Variants in ADRA1B observed in about 807,000 individuals in gnomAD.
The protein encoded by ADRA1B is adrenoceptor alpha 1B, also known as alpha-1B adrenergic receptor.
A neutral mutation model predicts 17.9 loss-of-function variants in ADRA1B; 17 were observed. The ratio of observed to expected loss-of-function variants is 0.95; its 90% CI spans 0.65 to 1.42. The LOEUF (loss-of-function observed/expected upper bound fraction) is 1.42. Among genes scored for constraint, ADRA1B ranks in the 40% most tolerant of loss-of-function variants. The pLI is 0.00. For synonymous variants in ADRA1B, 366 were observed against 327.6 expected, an observed-to-expected ratio of 1.12 and a Z score of -1.27; for missense variants, 681 against 722.1, an observed-to-expected ratio of 0.94 and a Z score of 0.65.
intron 1 of ADRA1B, among the ~76,000 whole-genome samples, chr5:159,918,296 A>G (rs1754388346): frequency 6.6e-6 from 1 of 152,242 alleles, no homozygotes; most frequent in African/African-American, 2.4e-5. Context: ...CGTACACAGA[A>G]AGGCAGCATT....
the ADRA1B span, among the ~76,000 whole-genome samples, chr5:159,979,411 A>C: frequency 6.6e-6 from 1 of 152,360 alleles, no homozygotes. Context: ...GGGATGTAGC[A>C]TGTTTAGTAC....
chr5:159,898,352 G>A (rs181093531), intron 1 of ADRA1B, among the ~76,000 whole-genome samples: 20 of 152,290 alleles, frequency 1.3e-4, no homozygotes, highest in East Asian at 1.2e-3. Flanking sequence ...GAAAACTATC[G>A]CCCATAGATT....
At chr5:159,954,740 T>C (rs1051153996) in intron 1 of ADRA1B, among the ~76,000 whole-genome samples, 2 of 152,102 alleles carry the variant, frequency 1.3e-5, no homozygotes, top group African/African-American at 2.4e-5. Context: ...CACCTAACTT[T>C]CAAGGAGTAG....
chr5:159,941,743 T>G (rs1755132201), intron 1 of ADRA1B, among the ~76,000 whole-genome samples: 1 of 152,170 alleles, frequency 6.6e-6, no homozygotes, highest in Non-Finnish European at 1.5e-5. Context: ...CAGATGAACC[T>G]TGAAACCGAT....
chr5:159,979,570 G>T, the ADRA1B span, among the ~76,000 whole-genome samples: 1 of 152,230 alleles, frequency 6.6e-6, no homozygotes, highest in Non-Finnish European at 1.5e-5. Context: ...TCTGAGATGG[G>T]TCTAAAAGAT....
intron 1 of ADRA1B, among the ~76,000 whole-genome samples, chr5:159,901,479 A>G (rs1437651949): frequency 6.6e-6 from 1 of 150,902 alleles, no homozygotes; most frequent in Non-Finnish European, 1.5e-5. Flanking sequence ...ATTTCTGAAT[A>G]CCAGTATAAA....
intron 1 of ADRA1B, among the ~76,000 whole-genome samples, chr5:159,904,628 T>C (rs913456069): frequency 6.6e-6 from 1 of 152,204 alleles, no homozygotes; most frequent in Non-Finnish European, 1.5e-5. Context: ...GAGCCTACTA[T>C]GTGTCAGGCC....
intron 1 of ADRA1B, among the ~76,000 whole-genome samples, chr5:159,881,827 T>C (rs1753866317): frequency 6.6e-6 from 1 of 152,144 alleles, no homozygotes; most frequent in African/African-American, 2.4e-5. Context: ...TTTCCGGGCA[T>C]GGGCTGTAGG....
chr5:159,875,275 G>A (rs1340184799), intron 1 of ADRA1B, among the ~76,000 whole-genome samples: 1 of 152,090 alleles, frequency 6.6e-6, no homozygotes, highest in Non-Finnish European at 1.5e-5. Context: ...CTACCTTAAT[G>A]TCAGGACACA....
Position 159,899,251 on chromosome 5 carries a change from GAAGGAAGGAAGA to G in ADRA1B, c.-255-16856_-255-16845del, listed in dbSNP as rs1193627923. On this transcript the variant is annotated intron_variant, in intron 1 of 2. Coordinates refer to the ADRA1B transcript ENST00000641205. ...GGGAAGGAGGGAGGGAGGAAGGAAG[GAAGGAAGGAAGA>G]AAGGAAGGAAGGAAGGAAGGAAGGA... 1.0e-3 allele frequency among the ~76,000 whole-genome samples: 134 copies of G among 132,108 alleles called. 2 individuals carry two copies. The highest frequency in any genetic ancestry group is 3.5e-3 in the African/African-American group (130 of 37,610). The allele number at this position is 132,108 out of a possible 152,430, so 86.7% of individuals were successfully genotyped here.
intron 1 of ADRA1B, among the ~76,000 whole-genome samples, chr5:159,918,674 G>A (rs960213972): frequency 1.3e-5 from 2 of 152,156 alleles, no homozygotes; most frequent in Admixed American, 6.5e-5. Flanking sequence ...AAACATGTTC[G>A]TCTTCTTTTT....
intron 1 of ADRA1B, among the ~76,000 whole-genome samples, chr5:159,938,800 T>G (rs115277915): frequency 0.012 from 1,818 of 152,346 alleles, 42 homozygotes; most frequent in African/African-American, 0.041. Context: ...TTTGCGGCCA[T>G]TGGCCTAGCC....
At chr5:159,932,257 G>A (rs772550070) in intron 1 of ADRA1B, among the ~76,000 whole-genome samples, 4 of 151,934 alleles carry the variant, frequency 2.6e-5, no homozygotes, top group Non-Finnish European at 5.9e-5. Flanking sequence ...GGACCCAAGC[G>A]ATCCTCCCCT....
chr5:159,868,130 A>G (rs1753685997), intron 1 of ADRA1B: 1 of 152,186 alleles, frequency 6.6e-6, no homozygotes, highest in African/African-American at 2.4e-5. Flanking sequence ...TATTGTAAAC[A>G]CCTACCACAT....
intron 1 of ADRA1B, chr5:159,868,870 T>C (rs1339448249): frequency 6.6e-6 from 1 of 152,144 alleles, no homozygotes; most frequent in Non-Finnish European, 1.5e-5. Context: ...AGGAAACCCA[T>C]CAGGTTCATG....
chr5:159,871,650 A>G (rs1753741136), intron 1 of ADRA1B, among the ~76,000 whole-genome samples: 1 of 151,796 alleles, frequency 6.6e-6, no homozygotes, highest in Non-Finnish European at 1.5e-5. Context: ...GATTCTTAAC[A>G]TCTTCAAAAG....
chr5:159,905,579 A>G (rs1754153975), intron 1 of ADRA1B, among the ~76,000 whole-genome samples: 1 of 152,254 alleles, frequency 6.6e-6, no homozygotes, highest in Admixed American at 6.5e-5. Flanking sequence ...AGTCCCTTGG[A>G]GGAACAAAAA....
chr5:159,868,229 T>C (rs1035786022), intron 1 of ADRA1B: 3 of 152,168 alleles, frequency 2.0e-5, no homozygotes, highest in Non-Finnish European at 4.4e-5. Flanking sequence ...TTAATAATGA[T>C]AATAAATTAT....
At chr5:159,960,114 C>G (rs921444126) in intron 1 of ADRA1B, among the ~76,000 whole-genome samples, 3 of 152,218 alleles carry the variant, frequency 2.0e-5, no homozygotes, top group Non-Finnish European at 4.4e-5. Context: ...TGTAAGTCAT[C>G]TGGATCTTAG....
Sources: gnomAD v4.1 joint callset for allele counts (sites outside exome capture counted in the v4.1 genomes callset) on GRCh38, gnomAD v4.1.1 for gene constraint, MANE v1.5 for transcripts, NCBI Gene and HGNC (gene_info 2026-07-23, HGNC 2026-07-21) for gene names.